Variants in SLIT1 observed in about 807,000 individuals in gnomAD.
SLIT1 encodes slit homolog 1 protein.
A neutral mutation model predicts 186.1 loss-of-function variants in SLIT1; 66 were observed. The observed-to-expected ratio is 0.35, with a 90% CI of 0.29 to 0.44. The LOEUF is 0.44. Among genes scored for constraint, SLIT1 ranks in the 20% least tolerant of loss-of-function variants. The probability of loss-of-function intolerance (pLI) is 1.00; values close to 1 mark genes in which losing one functional copy is unlikely to be tolerated. For synonymous variants in SLIT1, 761 were observed against 833.8 expected, an observed-to-expected ratio of 0.91 and a Z score of 1.50; for missense variants, 1,638 against 2,037.4, an observed-to-expected ratio of 0.80 and a Z score of 3.77.
chr10:97,107,945 T>C (rs943711254), intron 4 of SLIT1, among the ~76,000 whole-genome samples: 2 of 152,122 alleles, frequency 1.3e-5, no homozygotes, highest in Non-Finnish European at 2.9e-5. Flanking sequence ...GGACCAGCAG[T>C]GCTGCACAAA....
chr10:97,054,984 G>A (rs1287956850), intron 13 of SLIT1, among the ~76,000 whole-genome samples: 4 of 152,250 alleles, frequency 2.6e-5, no homozygotes, highest in Admixed American at 1.3e-4. Flanking sequence ...TTGGGAGGCC[G>A]AGGCAGGTGG....
At chr10:97,095,630 G>C (rs550900750) in intron 4 of SLIT1, among the ~76,000 whole-genome samples, 4 of 152,316 alleles carry the variant, frequency 2.6e-5, no homozygotes, top group African/African-American at 9.6e-5. Flanking sequence ...CCCCTGGTTA[G>C]AAAAGCCACC....
rs555527803 is a variant in SLIT1, at chr10:97,171,101, A to G, written c.198-6211T>C. Among the ~76,000 whole-genome samples, 3 of 152,356 alleles carry G rather than the reference A, an allele frequency of 2.0e-5. No individual in the cohort carries two copies. In the East Asian group the frequency reaches 5.8e-4, roughly 29 times the overall value. On this transcript the variant is annotated intron_variant, in intron 1 of 36. Transcript: ENST00000266058. ...AAACCACGCATGCTGTCACCGAATAAGACAAGCCTACTCGGGAAATGTACA... is the reference window on the plus strand; with the variant it reads ...AAACCACGCATGCTGTCACCGAATAGGACAAGCCTACTCGGGAAATGTACA...
chr10:97,139,739 CG>C (rs1849739244), intron 4 of SLIT1, among the ~76,000 whole-genome samples: 1 of 152,168 alleles, frequency 6.6e-6, no homozygotes, highest in Admixed American at 6.5e-5. Flanking sequence ...TGCAGAGTTC[CG>C]GGGGCCTGGA....
chr10:97,175,185 C>T (rs191179269), intron 1 of SLIT1, among the ~76,000 whole-genome samples: 5 of 152,330 alleles, frequency 3.3e-5, no homozygotes, highest in African/African-American at 9.6e-5. Context: ...GCACAATGTC[C>T]TCAAGGGTCA....
At chr10:97,137,461 G>C (rs1346996501) in intron 4 of SLIT1, among the ~76,000 whole-genome samples, 2 of 152,148 alleles carry the variant, frequency 1.3e-5, no homozygotes, top group African/African-American at 2.4e-5. Context: ...GTTTTATTTT[G>C]TTCCCCATAT....
rs1337552413 is a variant in SLIT1, at chr10:97,068,883, C to T, written c.414-2797G>A. Among the ~76,000 whole-genome samples the T allele has an allele frequency of 1.3e-5, 2 of 152,230 alleles. No individual in the cohort carries two copies. Among genetic ancestry groups the T allele is most frequent in the Non-Finnish European group, 2.9e-5 (2 of 68,044 alleles). ...CCCGATGCCTGTCTTTATGCAGCAA[C>T]TCCCCCAGCCCCATATGTCTTGAGA... is the stretch of plus-strand genomic sequence containing the variant. On this transcript the variant is annotated intron_variant, in intron 4 of 36. Coordinates refer to ENST00000266058, the MANE Select transcript of SLIT1 (RefSeq NM_003061.3). The surrounding 1 kb of genome is among the most constrained non-coding windows in gnomAD (Gnocchi z 4.2).
chr10:97,030,317 G>A (rs1050098517), intron 25 of SLIT1, among the ~76,000 whole-genome samples: 2 of 152,150 alleles, frequency 1.3e-5, no homozygotes, highest in Non-Finnish European at 1.5e-5. Context: ...GTGTGAAGTC[G>A]GAGGCACAGT....
chr10:97,039,380 C>T (rs1304580833), intron 21 of SLIT1, among the ~76,000 whole-genome samples: 3 of 152,212 alleles, frequency 2.0e-5, no homozygotes, highest in Non-Finnish European at 4.4e-5. Context: ...CAGCACCATA[C>T]TCAGTGCTGA....
intron 4 of SLIT1, among the ~76,000 whole-genome samples, chr10:97,145,971 C>G (rs1267430636): frequency 6.6e-6 from 1 of 152,206 alleles, no homozygotes; most frequent in Non-Finnish European, 1.5e-5. Context: ...TTTTCCCACC[C>G]CACCCCAAAC....
At chr10:97,040,417 G>A (rs368916510) in intron 20 of SLIT1, among the ~76,000 whole-genome samples, 21 of 152,208 alleles carry the variant, frequency 1.4e-4, no homozygotes, top group African/African-American at 3.6e-4. Flanking sequence ...TCCCATCCCC[G>A]GAGTGCCTGC....
intron 21 of SLIT1, 41 bp downstream of exon 21, chr10:97,039,947 T>G (rs1197523308): frequency 6.2e-7 from 1 of 1,608,384 alleles, no homozygotes; most frequent in Non-Finnish European, 8.5e-7. Flanking sequence ...GTCCCCGTCC[T>G]GTGGACCCAC....
At position 97,075,006 on chromosome 10, in the gene SLIT1, C is replaced by A. The variant is rs1158789695; in HGVS notation, c.414-8920G>T. ...GGAGTACACAGAGGGCTGCTGGGCACCTGCCAAGGCTGGACTGGGCTCTGG... is the reference window on the plus strand; with the variant it reads ...GGAGTACACAGAGGGCTGCTGGGCAACTGCCAAGGCTGGACTGGGCTCTGG... On this transcript the variant is annotated intron_variant, in intron 4 of 36. Coordinates refer to ENST00000266058, the MANE Select transcript of SLIT1 (RefSeq NM_003061.3). Among the ~76,000 whole-genome samples, 3 of 152,356 alleles carry A rather than the reference C, an allele frequency of 2.0e-5. No individual in the cohort carries two copies. In the South Asian group the frequency reaches 6.2e-4, roughly 32 times the overall value.
chr10:97,097,297 C>G (rs1849301988), intron 4 of SLIT1, among the ~76,000 whole-genome samples: 1 of 152,222 alleles, frequency 6.6e-6, no homozygotes, highest in South Asian at 2.1e-4. Flanking sequence ...TTTATGTCTG[C>G]TAAGCAAGGT....
intron 1 of SLIT1, among the ~76,000 whole-genome samples, chr10:97,167,204 A>G (rs7073919): frequency 0.36 from 54,429 of 151,960 alleles, 10,047 homozygotes; most frequent in African/African-American, 0.41. Context: ...GCTTAATGTA[A>G]AGGTCATTTT....
Position 97,018,827 on chromosome 10 carries a change from T to TCATC in SLIT1, c.2872-145_2872-144insGATG, listed in dbSNP as rs113727941. 72 of 630,894 alleles carry TCATC rather than the reference T, an allele frequency of 1.1e-4. No individual in the cohort carries two copies. In the African/African-American group the frequency reaches 1.3e-3, roughly 11 times the overall value. 39.1% of individuals were successfully genotyped at this position (630,894 alleles called of 1,614,324 possible). ...TCATTCATTCGTCCACTTCATTCAT[T>TCATC]CATTCATTCATTCATTCATTCATTC... is the stretch of plus-strand genomic sequence containing the variant. On this transcript the variant is annotated intron_variant, in intron 27 of 36. Transcript: ENST00000266058.
intron 4 of SLIT1, among the ~76,000 whole-genome samples, chr10:97,156,346 G>A (rs1849951788): frequency 6.6e-6 from 1 of 152,240 alleles, no homozygotes. Context: ...GGAAGGCTGA[G>A]GCTGGTGGAT....
chr10:97,079,950 T>C (rs1849087114), intron 4 of SLIT1, among the ~76,000 whole-genome samples: 1 of 152,144 alleles, frequency 6.6e-6, no homozygotes, highest in Non-Finnish European at 1.5e-5. Context: ...GCCAATGGAA[T>C]AGCCTTCAGA....
At chr10:97,057,870 G>C in intron 11 of SLIT1, 1 of 658,312 alleles carries the variant, frequency 1.5e-6, no homozygotes, top group African/African-American at 1.8e-5. Flanking sequence ...GGTTCAGGAG[G>C]ACAGTGAAAA....
Sources: allele counts gnomAD v4.1 joint callset (sites outside exome capture counted in the v4.1 genomes callset), GRCh38; gene constraint gnomAD v4.1.1; non-coding constraint Gnocchi (gnomAD v3.1); transcripts MANE v1.5; gene names NCBI Gene and HGNC (gene_info 2026-07-23, HGNC 2026-07-21).